KCNH8: variants seen among roughly 807,000 people sequenced by gnomAD.
The protein encoded by KCNH8 is voltage-gated delayed rectifier potassium channel KCNH8.
Under a neutral mutation model 103.6 loss-of-function variants are expected in KCNH8, and 70 were observed. The observed-to-expected ratio is 0.68, with a 90% CI of 0.56 to 0.82. The LOEUF (loss-of-function observed/expected upper bound fraction) is 0.82. Ranked by LOEUF, KCNH8 falls within the 40% of genes least tolerant of loss-of-function variation. The pLI, the probability that KCNH8 is intolerant of heterozygous loss-of-function variation, is 0.00. For missense variants in KCNH8, 1,217 were observed against 1,329.9 expected, an observed-to-expected ratio of 0.92 and a Z score of 1.32; for synonymous variants, 498 against 489.4, an observed-to-expected ratio of 1.02 and a Z score of -0.23.
intron 7 of KCNH8, among the ~76,000 whole-genome samples, chr3:19,429,365 A>G (rs540863621): frequency 2.9e-4 from 44 of 151,698 alleles, no homozygotes; most frequent in African/African-American, 9.2e-4. Context: ...TAGTAGAGAC[A>G]GGGTTTCACC....
intron 2 of KCNH8, among the ~76,000 whole-genome samples, chr3:19,262,201 G>T (rs1308812035): frequency 6.6e-6 from 1 of 151,638 alleles, no homozygotes; most frequent in Non-Finnish European, 1.5e-5. Flanking sequence ...TGGGTAGTGT[G>T]GACATTTTAA....
rs139316304 is a variant in KCNH8, at chr3:19,229,896, C to G, written c.77-23758C>G. On this transcript the variant is annotated intron_variant, in intron 1 of 15. Coordinates refer to ENST00000328405, the MANE Select transcript of KCNH8 (RefSeq NM_144633.3). ...ATCTTTTCAGCAATGCCCCACTCTA[C>G]TGGTACCAATTTACTGTATTAGTCT... Among the ~76,000 whole-genome samples the G allele has an allele frequency of 9.1e-4, 138 of 152,294 alleles. 3 individuals are homozygous for G. In the East Asian group the frequency reaches 0.022, roughly 24 times the overall value.
In KCNH8 at chr3:19,513,319, G is replaced by A. The variant is rs778972223; in HGVS notation, c.2429G>A (p.Ser810Asn). ...AATAATGCTGGACCCCCAGACCTCA[G>A]TCCAAGGTAAGAGTTCATATCATAT... ...TLNNAGPPDL[S>N]PRIVDGIEDG... is the part of the protein sequence containing the mutation. Residue 810 changes from serine (S) to asparagine (N), a missense_variant, in exon 13 of 16, where the codon AGT becomes AAT. Physicochemically the swap from Ser to Asn is conservative, Grantham distance 46. Around this residue, in one of 3 missense-constraint regions of KCNH8, gnomAD observed 558 missense variants for 495.8 expected, o/e 1.13. Coordinates refer to ENST00000328405, the MANE Select transcript of KCNH8 (RefSeq NM_144633.3). The A allele has an allele frequency of 6.3e-7, 1 of 1,591,626 alleles. No homozygotes were observed. Among genetic ancestry groups the A allele is most frequent in the Non-Finnish European group, 8.5e-7 (1 of 1,170,728 alleles).
intron 5 of KCNH8, among the ~76,000 whole-genome samples, chr3:19,353,460 T>A (rs765940841): frequency 6.6e-6 from 1 of 152,198 alleles, no homozygotes; most frequent in Non-Finnish European, 1.5e-5. Context: ...ATATCCCTGA[T>A]GCACATCAAT....
At chr3:19,367,446 T>A (rs1333372647) in intron 5 of KCNH8, among the ~76,000 whole-genome samples, 2 of 147,540 alleles carry the variant, frequency 1.4e-5, no homozygotes, top group East Asian at 3.9e-4. Flanking sequence ...AATATATATA[T>A]ATCAGAAATA....
At chr3:19,498,750 G>A (rs900523458) in intron 11 of KCNH8, among the ~76,000 whole-genome samples, 1 of 152,092 alleles carries the variant, frequency 6.6e-6, no homozygotes, top group Non-Finnish European at 1.5e-5. Context: ...ATGTACAGAT[G>A]GGTTTTTTGG....
At chr3:19,339,686 C>T (rs1387565423) in intron 3 of KCNH8, among the ~76,000 whole-genome samples, 1 of 151,992 alleles carries the variant, frequency 6.6e-6, no homozygotes. Flanking sequence ...TTTCAATATT[C>T]TTTCAAGTAT....
At chr3:19,161,608 C>T (rs1011019051) in intron 1 of KCNH8, among the ~76,000 whole-genome samples, 3 of 152,084 alleles carry the variant, frequency 2.0e-5, no homozygotes, top group Non-Finnish European at 4.4e-5. Flanking sequence ...TTTCAAAGTT[C>T]GTTCTGTAGG....
chr3:19,394,121 A>G (rs931123153), intron 6 of KCNH8, among the ~76,000 whole-genome samples: 1 of 151,982 alleles, frequency 6.6e-6, no homozygotes, highest in Non-Finnish European at 1.5e-5. Context: ...AGGTTAGTTA[A>G]AGCCATAAAG....
rs563878567 is a variant in KCNH8, at chr3:19,335,733, A to G, written c.443-6854A>G. ...TTCTTTCCACATTACTGGTCTATTC[A>G]AAATTTTTACTACTTTTTGGAACTA... On this transcript the variant is annotated intron_variant, in intron 3 of 15. Coordinates refer to ENST00000328405, the MANE Select transcript of KCNH8 (RefSeq NM_144633.3). Among the ~76,000 whole-genome samples the G allele has an allele frequency of 1.6e-4, 24 of 151,868 alleles. No homozygotes were observed. The Middle Eastern group carries it at 0.01, about 65-fold the overall frequency.
chr3:19,169,415 T>A (rs1023855860), intron 1 of KCNH8, among the ~76,000 whole-genome samples: 2 of 151,954 alleles, frequency 1.3e-5, no homozygotes, highest in Non-Finnish European at 2.9e-5. Context: ...CCTGGCTAAT[T>A]TTTTGTATTT....
intron 1 of KCNH8, among the ~76,000 whole-genome samples, chr3:19,241,723 G>GACACACACACACAC (rs71055059): frequency 4.7e-5 from 7 of 147,716 alleles, no homozygotes; most frequent in African/African-American, 1.5e-4. Context: ...TACACACACA[G>GACACACACACACAC]ACACACACAC....
At position 19,375,127 on chromosome 3, in the gene KCNH8, T is replaced by C. The variant is rs962815785; in HGVS notation, c.812-15354T>C. ...AGGAGTATCTTTGTGGCGTTCTCTG[T>C]ATTTCCTGAATCTGAACGTTGGCCT... On this transcript the variant is annotated intron_variant, in intron 5 of 15. Coordinates refer to ENST00000328405, the MANE Select transcript of KCNH8 (RefSeq NM_144633.3). Among the ~76,000 whole-genome samples the C allele has an allele frequency of 8.6e-5, 13 of 151,898 alleles. 1 individual carries two copies. Among genetic ancestry groups the C allele is most frequent in the Admixed American group, 4.6e-4 (7 of 15,264 alleles).
chr3:19,500,406 G>A (rs2068552891), intron 11 of KCNH8, among the ~76,000 whole-genome samples: 2 of 152,076 alleles, frequency 1.3e-5, no homozygotes, highest in South Asian at 4.2e-4. Flanking sequence ...GGATACCCAG[G>A]AATTGAACTC....
chr3:19,493,754 A>C (rs1315130804), intron 11 of KCNH8, among the ~76,000 whole-genome samples: 1 of 151,946 alleles, frequency 6.6e-6, no homozygotes, highest in African/African-American at 2.4e-5. Context: ...TCTTATTATT[A>C]TTATTATTTT....
At chr3:19,286,655 C>A (rs774484797) in intron 3 of KCNH8, among the ~76,000 whole-genome samples, 2 of 152,064 alleles carry the variant, frequency 1.3e-5, no homozygotes, top group African/African-American at 4.8e-5. Context: ...TTTTGTATAT[C>A]CTCCCATATA....
intron 1 of KCNH8, among the ~76,000 whole-genome samples, chr3:19,152,674 G>A (rs565325521): frequency 3.3e-5 from 5 of 152,202 alleles, no homozygotes; most frequent in Admixed American, 1.3e-4. Flanking sequence ...AGTGGCTCAC[G>A]CCTGTAATCC....
At chr3:19,517,923 T>C in intron 14 of KCNH8, 75 bp from the exon 15 acceptor site, 1 of 1,194,238 alleles carries the variant, frequency 8.4e-7, no homozygotes, top group Non-Finnish European at 1.2e-6. Context: ...CTTTCTTTCA[T>C]ATTCTAATTG....
chr3:19,480,119 G>A (rs1410713416), intron 11 of KCNH8, among the ~76,000 whole-genome samples: 1 of 152,134 alleles, frequency 6.6e-6, no homozygotes, highest in Non-Finnish European at 1.5e-5. Flanking sequence ...TATGCACCAC[G>A]TAAACAATGC....
Sources: allele counts gnomAD v4.1 joint callset (sites outside exome capture counted in the v4.1 genomes callset), GRCh38; gene constraint gnomAD v4.1.1; regional missense constraint gnomAD v4.1.1; transcripts MANE v1.5; gene names NCBI Gene and HGNC (gene_info 2026-07-23, HGNC 2026-07-21).